Variants in DIXDC1 observed in about 807,000 individuals in gnomAD.
The protein encoded by DIXDC1 is dixin.
In DIXDC1, 64 loss-of-function variants were observed where a neutral mutation model predicts 103.1. That is an observed-to-expected ratio of 0.62 (90% CI 0.51 to 0.76). DIXDC1 has a LOEUF of 0.76. Among genes scored for constraint, DIXDC1 ranks in the 30% least tolerant of loss-of-function variants. The probability of loss-of-function intolerance (pLI) is 0.00; values close to 1 mark genes in which losing one functional copy is unlikely to be tolerated. For missense variants in DIXDC1, 759 were observed against 834.2 expected (o/e 0.91, Z 1.11); for synonymous variants, 266 against 298.5 (o/e 0.89, Z 1.12).
intron 5 of DIXDC1, among the ~76,000 whole-genome samples, 180 bp from the exon 6 acceptor site, chr11:111,980,557 T>C: frequency 6.6e-6 from 1 of 152,344 alleles, no homozygotes; most frequent in Non-Finnish European, 1.5e-5. Flanking sequence ...ATTAATTTCA[T>C]TCATTCAAAA....
chr11:111,937,444 A>T lies in DIXDC1; in HGVS notation c.-56A>T, dbSNP rs903632474. 3.2e-6 allele frequency: 5 copies of T among 1,548,790 alleles called. No homozygotes were observed. In the African/African-American group the frequency reaches 6.9e-5, roughly 21 times the overall value. On this transcript the variant is annotated 5_prime_UTR_variant, in exon 1 of 20. Transcript: ENST00000440460. Reference sequence around the variant, plus strand: ...CTTTGTGTGCAGAGGGAGGAGGAGGAGGCGGCGGCGGCCGCCGGGCTGGAG... The same window carrying T: ...CTTTGTGTGCAGAGGGAGGAGGAGGTGGCGGCGGCGGCCGCCGGGCTGGAG...
chr11:112,014,999 C>T (rs1254759582), intron 17 of DIXDC1, among the ~76,000 whole-genome samples: 2 of 152,034 alleles, frequency 1.3e-5, no homozygotes, highest in African/African-American at 2.4e-5. Context: ...ATTCTCCTGC[C>T]TCAGCCTCCC....
chr11:111,944,566 T>C (rs1350911870), intron 1 of DIXDC1, among the ~76,000 whole-genome samples: 3 of 152,194 alleles, frequency 2.0e-5, no homozygotes, highest in Non-Finnish European at 4.4e-5. Context: ...GGTCAAGATT[T>C]CCTGCACAAA....
chr11:111,977,940 A>G lies in DIXDC1; in HGVS notation c.657-2797A>G, dbSNP rs1328300679. On this transcript the variant is annotated intron_variant, in intron 5 of 19. Transcript: ENST00000440460. The surrounding 1 kb of genome is among the most constrained non-coding windows in gnomAD (Gnocchi z 6.1). ...GCTGCTGACCAGGGGTTATCACTAT[A>G]AAATACGGTGGGCGTAGGAAGTGGA... The G allele has an allele frequency of 1.2e-5, 15 of 1,222,072 alleles. No homozygotes were observed. The highest frequency in any genetic ancestry group is 1.4e-5 in the Non-Finnish European group (13 of 906,720). The allele number at this position is 1,222,072 out of a possible 1,614,324, so 75.7% of individuals were successfully genotyped here. A position where few individuals can be genotyped will look rare whatever the true frequency, so the allele number is the denominator to read the frequency against.
At position 112,019,803 on chromosome 11, in the gene DIXDC1, AC is replaced by A. The variant is rs1555178232; in HGVS notation, c.*768del. 5 of 152,134 alleles carry A rather than the reference AC, an allele frequency of 3.3e-5. No individual in the cohort carries two copies. The highest frequency in any genetic ancestry group is 3.8e-4 in the East Asian group (2 of 5,198). 9.4% of individuals were successfully genotyped at this position (152,134 alleles called of 1,614,324 possible). A position where few individuals can be genotyped will look rare whatever the true frequency, so the allele number is the denominator to read the frequency against. ...CATTTCTTTTTCTTCAAACTGATGA[AC>A]TTTTGTTTGAAAGGCATAAGGAGTG... On this transcript the variant is annotated 3_prime_UTR_variant, in exon 20 of 20. Coordinates refer to ENST00000440460, the MANE Select transcript of DIXDC1 (RefSeq NM_001037954.4).
intron 1 of DIXDC1, among the ~76,000 whole-genome samples, chr11:111,942,207 C>T (rs1485228350): frequency 6.6e-6 from 1 of 152,192 alleles, no homozygotes; most frequent in Admixed American, 6.5e-5. Flanking sequence ...ACAGATGCAC[C>T]CTGGCAGCAG....
At chr11:111,938,545 T>C (rs587635446) in intron 1 of DIXDC1, among the ~76,000 whole-genome samples, 31 of 152,332 alleles carry the variant, frequency 2.0e-4, no homozygotes, top group Non-Finnish European at 3.8e-4. Flanking sequence ...TTCTTAAATA[T>C]GAGCATTTGA....
intron 1 of DIXDC1, among the ~76,000 whole-genome samples, chr11:111,962,195 A>C (rs1301332276): frequency 6.6e-6 from 1 of 152,164 alleles, no homozygotes; most frequent in African/African-American, 2.4e-5. Flanking sequence ...AAGAAGAGGC[A>C]GGTTGGCCGG....
chr11:111,929,752 G>A (rs1422244481), intron 1 of DIXDC1: 1 of 1,092,064 alleles, frequency 9.2e-7, no homozygotes, highest in Non-Finnish European at 1.3e-6. Flanking sequence ...AACTCGGTTA[G>A]TTGAGCTTTA....
rs1861635240 is a variant in DIXDC1, at chr11:112,017,690, T to C, written c.1863-87T>C. The C allele has an allele frequency of 9.0e-7, 1 of 1,111,466 alleles. No individual in the cohort carries two copies. Among genetic ancestry groups the C allele is most frequent in the Non-Finnish European group, 1.3e-6 (1 of 765,664 alleles). 68.9% of individuals were successfully genotyped at this position (1,111,466 alleles called of 1,614,324 possible). On this transcript the variant is annotated intron_variant, in intron 18 of 19. Transcript: ENST00000440460. The surrounding 1 kb of genome is among the most constrained non-coding windows in gnomAD (Gnocchi z 4.0). ...AGGGGCTATTTCTGCTTATTGACTTTGGCAGGGGGCTGTGTTTAAAGTTAA... is the reference window on the plus strand; with the variant it reads ...AGGGGCTATTTCTGCTTATTGACTTCGGCAGGGGGCTGTGTTTAAAGTTAA...
chr11:112,006,874 G>A (rs1007432280), intron 17 of DIXDC1, among the ~76,000 whole-genome samples: 30 of 152,216 alleles, frequency 2.0e-4, no homozygotes, highest in African/African-American at 7.2e-4. Flanking sequence ...AAAAGCTGAA[G>A]ATTCTAAAAA....
At chr11:111,988,944 G>T in intron 9 of DIXDC1, 61 bp from the exon 10 acceptor site, 2 of 1,404,152 alleles carry the variant, frequency 1.4e-6, no homozygotes, top group Non-Finnish European at 2.0e-6. Context: ...GACAGAATGA[G>T]GTAATGCATT....
upstream of DIXDC1, chr11:111,937,134 G>GGC (rs1555168224): frequency 5.7e-4 from 410 of 713,846 alleles, 41 homozygotes; most frequent in African/African-American, 7.8e-3. Flanking sequence ...GCCCGGGCGG[G>GGC]GGGGGGGTGT....
At chr11:111,966,216 T>G (rs1460889637) in intron 2 of DIXDC1, among the ~76,000 whole-genome samples, 2 of 128,740 alleles carry the variant, frequency 1.6e-5, no homozygotes, top group Non-Finnish European at 3.1e-5. Flanking sequence ...GGTTTTTTTT[T>G]TTTTTTTTTT....
At chr11:111,999,670 G>T (rs1861005993) in intron 17 of DIXDC1, among the ~76,000 whole-genome samples, 1 of 152,062 alleles carries the variant, frequency 6.6e-6, no homozygotes, top group Admixed American at 6.6e-5. Flanking sequence ...TTTGAGACCA[G>T]CCTGGCCAAC....
intron 1 of DIXDC1, among the ~76,000 whole-genome samples, chr11:111,961,477 G>A (rs1175794451): frequency 6.6e-6 from 1 of 152,188 alleles, no homozygotes; most frequent in Admixed American, 6.5e-5. Context: ...TGCCAGATTA[G>A]CATTAGATAA....
At chr11:111,935,342 G>T (rs1176912772), upstream of DIXDC1, among the ~76,000 whole-genome samples, 4 of 152,268 alleles carry the variant, frequency 2.6e-5, no homozygotes, top group Non-Finnish European at 4.4e-5. Context: ...AAATGTTTTG[G>T]AGCTTTAAAA....
Position 111,977,589 on chromosome 11 carries a change from C to T in DIXDC1, c.656+2606C>T, listed in dbSNP as rs587602613. 2 of 1,506,218 alleles carry T rather than the reference C, an allele frequency of 1.3e-6. No homozygotes were observed. Among genetic ancestry groups the T allele is most frequent in the Non-Finnish European group, 1.8e-6 (2 of 1,126,636 alleles). 93.3% of individuals were successfully genotyped at this position (1,506,218 alleles called of 1,614,324 possible). A position where few individuals can be genotyped will look rare whatever the true frequency, so the allele number is the denominator to read the frequency against. ...AGTCGCTGGGGCCGAGACGCCGCCG[C>T]CGCCGCCGTTCCCGCTTTCTCCCGC... On this transcript the variant is annotated intron_variant, in intron 5 of 19. Transcript: ENST00000440460. The surrounding 1 kb of genome is among the most constrained non-coding windows in gnomAD (Gnocchi z 6.1).
chr11:111,974,762 T>C, intron 4 of DIXDC1, 114 bp from the exon 5 acceptor site: 1 of 1,490,814 alleles, frequency 6.7e-7, no homozygotes, highest in Non-Finnish European at 9.0e-7. Context: ...GGCAGGGGTT[T>C]TGTCTTACTC....
Sources: gnomAD v4.1 joint callset for allele counts (sites outside exome capture counted in the v4.1 genomes callset) on GRCh38, gnomAD v4.1.1 for gene constraint, Gnocchi (gnomAD v3.1) non-coding constraint, MANE v1.5 for transcripts, NCBI Gene and HGNC (gene_info 2026-07-23, HGNC 2026-07-21) for gene names.